The following GLG1 variants were observed in gnomAD, a reference collection of about 807,000 sequenced individuals.
The protein encoded by GLG1 is golgi glycoprotein 1.
Under a neutral mutation model 160.5 loss-of-function variants are expected in GLG1, and 38 were observed. The ratio of observed to expected loss-of-function variants is 0.24; its 90% CI spans 0.18 to 0.31. The LOEUF (loss-of-function observed/expected upper bound fraction) is 0.31. Among genes scored for constraint, GLG1 ranks in the 10% least tolerant of loss-of-function variants. GLG1 has a pLI of 1.00. For synonymous variants in GLG1, 644 were observed against 543.4 expected, an observed-to-expected ratio of 1.19 and a Z score of -2.57; for missense variants, 1,373 against 1,505.2, an observed-to-expected ratio of 0.91 and a Z score of 1.45.
In GLG1 at chr16:74,540,012, TTATATA is replaced by T. The variant is rs1555514285; in HGVS notation, c.439-7865_439-7860del. 4.3e-3 allele frequency among the ~76,000 whole-genome samples: 30 copies of T among 6,938 alleles called. 14 individuals carry two copies. The highest frequency in any genetic ancestry group is 0.011 in the South Asian group (2 of 186). 4.6% of individuals were successfully genotyped at this position (6,938 alleles called of 152,430 possible). A position where few individuals can be genotyped will look rare whatever the true frequency, so the allele number is the denominator to read the frequency against. On this transcript the variant is annotated intron_variant, in intron 1 of 25. Coordinates refer to ENST00000422840, the MANE Select transcript of GLG1 (RefSeq NM_001145667.2). Reference sequence around the variant, plus strand: ...TATATATATTTTATATATATATATTTTATATATATATATTATATATATTTTATATAT... The same window carrying T: ...TATATATATTTTATATATATATATTTTATATATTATATATATTTTATATAT...
chr16:74,593,752 T>C (rs2143875006), intron 1 of GLG1, among the ~76,000 whole-genome samples: 1 of 152,004 alleles, frequency 6.6e-6, no homozygotes, highest in South Asian at 2.1e-4. Flanking sequence ...AGAGCATTTT[T>C]AACATAATTT....
rs1385797486 is a variant in GLG1, at chr16:74,493,221, G to A, written c.1051-81C>T. Reference sequence around the variant, plus strand: ...CGTGTACCACTAAGATGAGCACAGCGACTCAGCCAAGTACATGTCAACAAC... The same window carrying A: ...CGTGTACCACTAAGATGAGCACAGCAACTCAGCCAAGTACATGTCAACAAC... On this transcript the variant is annotated intron_variant, in intron 6 of 25. Coordinates refer to ENST00000422840, the MANE Select transcript of GLG1 (RefSeq NM_001145667.2). 24 of 867,038 alleles carry A rather than the reference G, an allele frequency of 2.8e-5. No individual in the cohort carries two copies. In the Admixed American group the frequency reaches 3.7e-4, roughly 13 times the overall value. The allele number at this position is 867,038 out of a possible 1,614,324, so 53.7% of individuals were successfully genotyped here. A position where few individuals can be genotyped will look rare whatever the true frequency, so the allele number is the denominator to read the frequency against.
intron 1 of GLG1, among the ~76,000 whole-genome samples, chr16:74,604,980 A>G (rs1958531960): frequency 6.6e-6 from 1 of 152,184 alleles, no homozygotes; most frequent in South Asian, 2.1e-4. Context: ...CGGGAGGTGG[A>G]GGTTGCAGTG....
chr16:74,508,890 A>T lies in GLG1; in HGVS notation c.507T>A (p.Asp169Glu), dbSNP rs1239457752. The T allele has an allele frequency of 6.5e-7, 1 of 1,527,604 alleles. No individual in the cohort carries two copies. Among genetic ancestry groups the T allele is most frequent in the Non-Finnish European group, 9.1e-7 (1 of 1,102,608 alleles). 94.6% of individuals were successfully genotyped at this position (1,527,604 alleles called of 1,614,324 possible). The change falls in exon 3 of 26, where the codon GAT (aspartate) becomes GAA (glutamate). Residue 169 changes from aspartate (D) to glutamate (E), a missense_variant. This residue lies in a region of GLG1 where 322 missense variants were observed against 254.6 expected (regional missense o/e 1.26). Coordinates refer to ENST00000422840, the MANE Select transcript of GLG1 (RefSeq NM_001145667.2). The stretch of plus-strand genomic sequence containing the variant: ...CTCTGGCCACAGATTCAAATTTGGG[A>T]TCTGTAGTTAGGTTCAGCTTATAAT... ...LWNYKLNLTT[D>E]PKFESVAREV... is the part of the protein sequence containing the mutation.
intron 5 of GLG1, 148 bp downstream of exon 5, chr16:74,496,293 C>T (rs1362097159): frequency 1.2e-5 from 7 of 588,930 alleles, no homozygotes; most frequent in Admixed American, 5.8e-5. Flanking sequence ...TGAGCTGGAG[C>T]ACTGCTTCAG....
At chr16:74,490,951 T>C (rs752490839) in intron 8 of GLG1, 50 bp downstream of exon 8, 7 of 1,323,948 alleles carry the variant, frequency 5.3e-6, no homozygotes, top group Admixed American at 1.7e-5. Context: ...GAAGAGGCTC[T>C]TCAGCTGATA....
chr16:74,585,470 G>C (rs553150196), intron 1 of GLG1, among the ~76,000 whole-genome samples: 107 of 152,250 alleles, frequency 7.0e-4, no homozygotes, highest in African/African-American at 2.3e-3. Flanking sequence ...ACTTTGGGAA[G>C]CTGAGATGGG....
chr16:74,529,969 G>A (rs1001881964), intron 2 of GLG1, among the ~76,000 whole-genome samples: 29 of 151,596 alleles, frequency 1.9e-4, no homozygotes, highest in Admixed American at 5.9e-4. Context: ...GTGCCACGAC[G>A]CCTGGCTAAT....
chr16:74,568,495 G>A (rs1018319193), intron 1 of GLG1, among the ~76,000 whole-genome samples: 15 of 149,544 alleles, frequency 1.0e-4, no homozygotes, highest in African/African-American at 3.5e-4. Flanking sequence ...TCGGCTCACT[G>A]GAACCTCCGC....
intron 2 of GLG1, among the ~76,000 whole-genome samples, chr16:74,518,129 GT>G (rs1420600959): frequency 6.6e-6 from 1 of 151,480 alleles, no homozygotes; most frequent in Non-Finnish European, 1.5e-5. Flanking sequence ...ACTACCCAAA[GT>G]AATTTATAGA....
rs1190202914 is a variant in GLG1, at chr16:74,470,001, G to A, written c.2302C>T (p.Pro768Ser). Residue 768 changes from proline (P) to serine (S), a missense_variant, in exon 16 of 26, where the codon CCA becomes TCA. Around this residue, in one of 4 missense-constraint regions of GLG1, gnomAD observed 491 missense variants for 632.1 expected, o/e 0.78. Transcript: ENST00000422840. ...GCTACATACTTCTTTTTTATGTTTG[G>A]GCAAAGCTTCAACACGTCCTCCTTG... is the stretch of plus-strand genomic sequence containing the variant. ...ACKEDVLKLC[P>S]NIKKKVDVVI... 1 of 1,601,206 alleles carries A rather than the reference G, an allele frequency of 6.2e-7. No individual in the cohort carries two copies. Among genetic ancestry groups the A allele is most frequent in the Non-Finnish European group, 8.6e-7 (1 of 1,168,342 alleles).
chr16:74,462,726 G>T, intron 20 of GLG1, 96 bp from the exon 21 acceptor site: 1 of 1,070,828 alleles, frequency 9.3e-7, no homozygotes, highest in Non-Finnish European at 1.4e-6. Context: ...TTATGTCAAT[G>T]ATCATGACTA....
chr16:74,527,130 C>T (rs1388252781), intron 2 of GLG1, among the ~76,000 whole-genome samples: 10 of 151,874 alleles, frequency 6.6e-5, no homozygotes, highest in African/African-American at 2.2e-4. Flanking sequence ...AAGAATATTC[C>T]AAAGTAAAAT....
Position 74,510,073 on chromosome 16 carries a change from C to T in GLG1, c.472-1148G>A, listed in dbSNP as rs1383658993. On this transcript the variant is annotated intron_variant, in intron 2 of 25. Coordinates refer to ENST00000422840, the MANE Select transcript of GLG1 (RefSeq NM_001145667.2). ...TGAGACAGAGTTTCCCTCTTATTGC[C>T]CAGGCTGCAGTGCAATGGCGCGATC... Among the ~76,000 whole-genome samples, 4 of 151,096 alleles carry T rather than the reference C, an allele frequency of 2.6e-5. No individual in the cohort carries two copies. In the East Asian group the frequency reaches 7.9e-4, roughly 30 times the overall value.
At chr16:74,511,246 G>T (rs1335735759) in intron 2 of GLG1, among the ~76,000 whole-genome samples, 1 of 152,114 alleles carries the variant, frequency 6.6e-6, no homozygotes, top group Non-Finnish European at 1.5e-5. Flanking sequence ...AATTCTGTAT[G>T]AGTGCTGAGG....
chr16:74,483,197 G>A, intron 9 of GLG1, 73 bp from the exon 10 acceptor site: 5 of 881,420 alleles, frequency 5.7e-6, no homozygotes, highest in Middle Eastern at 2.2e-4. Flanking sequence ...GTATTTCCCT[G>A]GTCTGTAGAA....
At chr16:74,583,312 T>C (rs1248704709) in intron 1 of GLG1, among the ~76,000 whole-genome samples, 1 of 152,216 alleles carries the variant, frequency 6.6e-6, no homozygotes, top group Non-Finnish European at 1.5e-5. Context: ...CTGCCTGAAA[T>C]GCCTAGCTGT....
chr16:74,562,695 A>G, intron 1 of GLG1, among the ~76,000 whole-genome samples: 1 of 152,184 alleles, frequency 6.6e-6, no homozygotes, highest in Non-Finnish European at 1.5e-5. Context: ...CCTGGGTTCC[A>G]GAGACCTGAC....
intron 1 of GLG1, among the ~76,000 whole-genome samples, chr16:74,573,695 G>A (rs1282104060): frequency 6.7e-6 from 1 of 148,706 alleles, no homozygotes; most frequent in Non-Finnish European, 1.5e-5. Flanking sequence ...ACACTACTGA[G>A]CCTGGCTAAT....
Sources: allele counts gnomAD v4.1 joint callset (sites outside exome capture counted in the v4.1 genomes callset), GRCh38; gene constraint gnomAD v4.1.1; regional missense constraint gnomAD v4.1.1; transcripts MANE v1.5; gene names NCBI Gene and HGNC (gene_info 2026-07-23, HGNC 2026-07-21).